The following MINK1 variants were observed in gnomAD, a reference collection of about 807,000 sequenced individuals.
MINK1 encodes the protein misshapen like kinase 1.
MINK1 carries 46 observed loss-of-function variants against 178.4 expected under a neutral mutation model. That is an observed-to-expected ratio of 0.26 (90% CI 0.20 to 0.33). MINK1 has a LOEUF of 0.33. Among genes scored for constraint, MINK1 ranks in the 10% least tolerant of loss-of-function variants. MINK1 has a pLI of 1.00. For synonymous variants in MINK1, 797 were observed against 709.7 expected, an observed-to-expected ratio of 1.12 and a Z score of -1.96; for missense variants, 1,366 against 1,814.9, an observed-to-expected ratio of 0.75 and a Z score of 4.49.
intron 1 of MINK1, among the ~76,000 whole-genome samples, chr17:4,855,449 G>A (rs1362031516): frequency 3.0e-5 from 4 of 131,244 alleles, no homozygotes; most frequent in East Asian, 4.7e-4. Context: ...TTGTGGCATT[G>A]CACTCCAGCC....
chr17:4,834,535 A>G (rs1015626596), intron 1 of MINK1, among the ~76,000 whole-genome samples: 1 of 152,204 alleles, frequency 6.6e-6, no homozygotes, highest in Non-Finnish European at 1.5e-5. Flanking sequence ...AGAGGAAGCA[A>G]ATGCTGCAGG....
intron 13 of MINK1, 125 bp from the exon 14 acceptor site, chr17:4,890,392 G>A (rs1288639461): frequency 6.9e-7 from 1 of 1,458,882 alleles, no homozygotes; most frequent in Non-Finnish European, 9.1e-7. Flanking sequence ...CAAGGGAAGG[G>A]ATTCACCCAG....
In MINK1 at chr17:4,893,442, G is replaced by C; in HGVS notation, c.2409G>C (p.Val803=). The C allele has an allele frequency of 6.3e-7, 1 of 1,594,784 alleles. No homozygotes were observed. The highest frequency in any genetic ancestry group is 8.6e-7 in the Non-Finnish European group (1 of 1,164,548). ...GTGGCTCCTCCCTGCAGGACTTTGTGTTGCTGAAAGAGCGGACTCTGGACG... is the reference window on the plus strand; with the variant it reads ...GTGGCTCCTCCCTGCAGGACTTTGTCTTGCTGAAAGAGCGGACTCTGGACG... ...RSRPGRPADF[V]LLKERTLDEA... The change falls in exon 21 of 32, where the codon GTG becomes GTC. Residue 803 remains valine (V), a synonymous_variant. Coordinates refer to ENST00000355280, the MANE Select transcript of MINK1 (RefSeq NM_153827.5).
Position 4,836,999 on chromosome 17 carries a change from G to T in MINK1, c.57+3359G>T, listed in dbSNP as rs1378486558. Among the ~76,000 whole-genome samples the T allele has an allele frequency of 6.6e-6, 1 of 151,924 alleles. No homozygotes were observed. Among genetic ancestry groups the T allele is most frequent in the Non-Finnish European group, 1.5e-5 (1 of 68,002 alleles). ...GTTCGAGACCAGCCTGGCCAACATG[G>T]TAAAACCCCATCTCTACTAAAAAAA... On this transcript the variant is annotated intron_variant, in intron 1 of 31. Coordinates refer to ENST00000355280, the MANE Select transcript of MINK1 (RefSeq NM_153827.5). The surrounding 1 kb of genome is among the most constrained non-coding windows in gnomAD (Gnocchi z 4.3).
chr17:4,835,392 C>T (rs1341507488), intron 1 of MINK1, among the ~76,000 whole-genome samples: 1 of 152,142 alleles, frequency 6.6e-6, no homozygotes, highest in Non-Finnish European at 1.5e-5. Flanking sequence ...CTTTGGGAGG[C>T]CGAGGTGGGG....
chr17:4,888,875 T>C (rs1017709002), intron 12 of MINK1, among the ~76,000 whole-genome samples: 2 of 151,906 alleles, frequency 1.3e-5, no homozygotes, highest in Non-Finnish European at 2.9e-5. Context: ...TTTTGTATTT[T>C]TTTCAGTAGA....
At chr17:4,890,118 C>A in intron 13 of MINK1, 1 of 485,750 alleles carries the variant, frequency 2.1e-6, no homozygotes, top group Non-Finnish European at 3.4e-6. Flanking sequence ...CCCCCTCATT[C>A]TCCTGCGGAT....
At chr17:4,876,085 G>A (rs961272567) in intron 1 of MINK1, among the ~76,000 whole-genome samples, 1 of 152,004 alleles carries the variant, frequency 6.6e-6, no homozygotes, top group Admixed American at 6.5e-5. Flanking sequence ...GTGAGCCACC[G>A]CGCCCGGCCA....
chr17:4,834,254 T>C (rs1240795850), intron 1 of MINK1, among the ~76,000 whole-genome samples: 1 of 152,156 alleles, frequency 6.6e-6, no homozygotes, highest in Non-Finnish European at 1.5e-5. Flanking sequence ...GAACCAGGCA[T>C]TTCCGGTCTC....
chr17:4,857,284 C>T (rs1039275870), intron 1 of MINK1: 1 of 202,600 alleles, frequency 4.9e-6, no homozygotes, highest in Non-Finnish European at 1.0e-5. Context: ...TTGGCCATGC[C>T]ACAGGCAGCA....
intron 1 of MINK1, among the ~76,000 whole-genome samples, chr17:4,870,632 T>C (rs1052746051): frequency 1.1e-4 from 17 of 151,756 alleles, no homozygotes; most frequent in African/African-American, 4.1e-4. Context: ...CAAGACCAGC[T>C]TGGGCGACAT....
chr17:4,892,372 C>T (rs1437551015), intron 17 of MINK1, 30 bp from the exon 18 acceptor site: 3 of 1,512,770 alleles, frequency 2.0e-6, no homozygotes, highest in Non-Finnish European at 2.7e-6. Context: ...CCCCCGCCGC[C>T]CCCTCGGCAC....
chr17:4,847,794 T>C (rs1306050606), intron 1 of MINK1, among the ~76,000 whole-genome samples: 1 of 152,072 alleles, frequency 6.6e-6, no homozygotes, highest in Non-Finnish European at 1.5e-5. Context: ...CAGTTCCTAC[T>C]GTGTAGAGAG....
At position 4,896,817 on chromosome 17, in the gene MINK1, G is replaced by A; in HGVS notation, c.3915+4G>A. On this transcript the variant is annotated splice_donor_region_variant and intron_variant, in intron 31 of 31. Coordinates refer to ENST00000355280, the MANE Select transcript of MINK1 (RefSeq NM_153827.5). The surrounding 1 kb of genome is among the most constrained non-coding windows in gnomAD (Gnocchi z 4.6). The stretch of plus-strand genomic sequence containing the variant: ...CCTGTGTGAGCGGAATGACAAGGTG[G>A]GAGGCTCCTTCCCTCTGAAAGCCCT... 4.5e-6 allele frequency: 7 copies of A among 1,555,170 alleles called. No homozygotes were observed. Among genetic ancestry groups the A allele is most frequent in the Non-Finnish European group, 4.3e-6 (5 of 1,151,686 alleles).
Position 4,897,440 on chromosome 17 carries a change from T to C in MINK1, c.*153T>C, listed in dbSNP as rs1465045979. 3.3e-5 allele frequency: 21 copies of C among 642,128 alleles called. No individual in the cohort carries two copies. The highest frequency in any genetic ancestry group is 2.4e-5 in the Non-Finnish European group (9 of 370,508). The allele number at this position is 642,128 out of a possible 1,614,324, so 39.8% of individuals were successfully genotyped here. A position where few individuals can be genotyped will look rare whatever the true frequency, so the allele number is the denominator to read the frequency against. On this transcript the variant is annotated 3_prime_UTR_variant, in exon 32 of 32. Transcript: ENST00000355280. ...TGGGAACGTGACCTCTGACCCCTGA[T>C]GCTTTCGTGATCACGTGACCATCCT...
At position 4,889,669 on chromosome 17, in the gene MINK1, A is replaced by G; in HGVS notation, c.1253A>G (p.Gln418Arg). 6.4e-7 allele frequency: 1 copy of G among 1,564,356 alleles called. No homozygotes were observed. Among genetic ancestry groups the G allele is most frequent in the Non-Finnish European group, 8.6e-7 (1 of 1,156,164 alleles). ...CAGCAACAGCGGCGGGAGCGGGAGC[A>G]GCGGAAGCTGCAGGAGAAGGAGCAG... is the stretch of plus-strand genomic sequence containing the variant. ...VEEQQRRERE[Q>R]RKLQEKEQQR... is the part of the protein sequence containing the mutation. Residue 418 changes from glutamine (Q) to arginine (R), a missense_variant, in exon 13 of 32, where the codon CAG becomes CGG. By Grantham distance (43) the Gln-to-Arg change is conservative (BLOSUM62 1). Coordinates refer to ENST00000355280, the MANE Select transcript of MINK1 (RefSeq NM_153827.5).
chr17:4,891,198 G>GTGCA lies in MINK1; in HGVS notation c.1740+74_1740+75insTGCA, dbSNP rs1555541437. ...TCAGAGCACAGGTACACACACACGCGCGCACACACACACACACACACACAC... is the reference window on the plus strand; with the variant it reads ...TCAGAGCACAGGTACACACACACGCGTGCACGCACACACACACACACACACACAC... On this transcript the variant is annotated intron_variant, in intron 15 of 31. Transcript: ENST00000355280. 6.2e-6 allele frequency: 7 copies of GTGCA among 1,129,414 alleles called. No individual in the cohort carries two copies. The South Asian group carries it at 8.2e-5, about 13-fold the overall frequency. The allele number at this position is 1,129,414 out of a possible 1,614,324, so 70.0% of individuals were successfully genotyped here. A position where few individuals can be genotyped will look rare whatever the true frequency, so the allele number is the denominator to read the frequency against.
At position 4,894,956 on chromosome 17, in the gene MINK1, G is replaced by A. The variant is rs572936495; in HGVS notation, c.2918-119G>A. The A allele has an allele frequency of 1.8e-6, 2 of 1,136,312 alleles. No individual in the cohort carries two copies. Among genetic ancestry groups the A allele is most frequent in the East Asian group, 2.6e-5 (1 of 39,164 alleles). 70.4% of individuals were successfully genotyped at this position (1,136,312 alleles called of 1,614,324 possible). On this transcript the variant is annotated intron_variant, in intron 24 of 31. Coordinates refer to ENST00000355280, the MANE Select transcript of MINK1 (RefSeq NM_153827.5). This position sits in a 1 kb window ranked among gnomAD's most constrained non-coding sequence, Gnocchi z 4.1. ...TCTCCCATGCACCTCCTCTCCTCCTGTCTTTCTCCTCCTTTCTGCGTATTA... is the reference window on the plus strand; with the variant it reads ...TCTCCCATGCACCTCCTCTCCTCCTATCTTTCTCCTCCTTTCTGCGTATTA...
At chr17:4,851,056 C>T in intron 1 of MINK1, 1 of 458,532 alleles carries the variant, frequency 2.2e-6, no homozygotes, top group South Asian at 1.5e-5. Context: ...ACCTGCCTTC[C>T]TCTCAATTCT....
Sources: gnomAD v4.1 joint callset for allele counts (sites outside exome capture counted in the v4.1 genomes callset) on GRCh38, gnomAD v4.1.1 for gene constraint, Gnocchi (gnomAD v3.1) non-coding constraint, MANE v1.5 for transcripts, NCBI Gene and HGNC (gene_info 2026-07-23, HGNC 2026-07-21) for gene names.